The following AK5 variants were observed in gnomAD, a reference collection of about 807,000 sequenced individuals.
The protein encoded by AK5 is adenylate kinase 5, also known as adenylate kinase isoenzyme 5.
In AK5, 27 loss-of-function variants were observed where a neutral mutation model predicts 69.5. That is an observed-to-expected ratio of 0.39 (90% CI 0.29 to 0.54). AK5 has a LOEUF of 0.54. Among genes scored for constraint, AK5 ranks in the 20% least tolerant of loss-of-function variants. The pLI is 0.71. For missense variants in AK5, 531 were observed against 700.4 expected (o/e 0.76, Z 2.73); for synonymous variants, 260 against 244.4 (o/e 1.06, Z -0.60).
At chr1:77,412,102 T>C (rs1230597418) in intron 7 of AK5, among the ~76,000 whole-genome samples, 1 of 152,212 alleles carries the variant, frequency 6.6e-6, no homozygotes, top group Non-Finnish European at 1.5e-5. Flanking sequence ...TAACGACAAA[T>C]ATCTAACTGC....
At chr1:77,425,916 A>G (rs557439156) in intron 8 of AK5, among the ~76,000 whole-genome samples, 2 of 152,346 alleles carry the variant, frequency 1.3e-5, no homozygotes, top group East Asian at 1.9e-4. Context: ...TGGACTTGAA[A>G]TAGTTGCAAA....
At chr1:77,298,858 A>G (rs1659171782) in intron 5 of AK5, among the ~76,000 whole-genome samples, 1 of 152,182 alleles carries the variant, frequency 6.6e-6, no homozygotes, top group African/African-American at 2.4e-5. Context: ...TTTTAATTAC[A>G]GAAGTAATAT....
At chr1:77,362,331 T>C (rs932725810) in intron 6 of AK5, among the ~76,000 whole-genome samples, 1 of 152,182 alleles carries the variant, frequency 6.6e-6, no homozygotes, top group Non-Finnish European at 1.5e-5. Flanking sequence ...AAAAGTGGGC[T>C]TTATTATATA....
rs941468797 is a variant in AK5, at chr1:77,425,590, A to G, written c.1059+7875A>G. On this transcript the variant is annotated intron_variant, in intron 8 of 13. Coordinates refer to ENST00000354567, the MANE Select transcript of AK5 (RefSeq NM_174858.3). ...TGATAGAGCAAGACTCTGTCTCAAAAAAAAGAAAAGAAAAGAAAAATGATG... is the reference window on the plus strand; with the variant it reads ...TGATAGAGCAAGACTCTGTCTCAAAGAAAAGAAAAGAAAAGAAAAATGATG... Among the ~76,000 whole-genome samples, 14 of 152,366 alleles carry G rather than the reference A, an allele frequency of 9.2e-5. No homozygotes were observed. The South Asian group carries it at 1.9e-3, about 20-fold the overall frequency.
In AK5 at chr1:77,526,506, C is replaced by T. The variant is rs888448497; in HGVS notation, c.1428+4563C>T. Among the ~76,000 whole-genome samples the T allele has an allele frequency of 3.7e-4, 44 of 120,302 alleles. No homozygotes were observed. The East Asian group carries it at 7.9e-3, about 22-fold the overall frequency. The allele number at this position is 120,302 out of a possible 152,430, so 78.9% of individuals were successfully genotyped here. ...TTTTTTTTTTTTTGAGACGGAGTCT[C>T]GCTCTGTCGCCCAGGCTGGAGTGCC... On this transcript the variant is annotated intron_variant, in intron 12 of 13. Coordinates refer to ENST00000354567, the MANE Select transcript of AK5 (RefSeq NM_174858.3).
intron 12 of AK5, among the ~76,000 whole-genome samples, chr1:77,525,695 A>G (rs1658237737): frequency 6.6e-6 from 1 of 152,218 alleles, no homozygotes; most frequent in African/African-American, 2.4e-5. Flanking sequence ...TCACATTTCA[A>G]CATGGGATTT....
intron 6 of AK5, among the ~76,000 whole-genome samples, chr1:77,373,455 G>A (rs1339914433): frequency 6.6e-6 from 1 of 152,156 alleles, no homozygotes; most frequent in Admixed American, 6.5e-5. Flanking sequence ...GGCCAGCTGC[G>A]ATTGCTCATG....
chr1:77,405,918 CT>C, intron 6 of AK5, among the ~76,000 whole-genome samples: 1 of 150,388 alleles, frequency 6.6e-6, no homozygotes, highest in Non-Finnish European at 1.5e-5. Context: ...CCACTTCACG[CT>C]TAATGCCCAC....
intron 6 of AK5, among the ~76,000 whole-genome samples, chr1:77,359,239 G>A (rs1274022229): frequency 1.3e-5 from 2 of 150,216 alleles, no homozygotes; most frequent in African/African-American, 4.9e-5. Flanking sequence ...TGGCGACAGA[G>A]CGAGACTCTG....
At chr1:77,437,561 G>C (rs1337855749) in intron 8 of AK5, among the ~76,000 whole-genome samples, 1 of 152,120 alleles carries the variant, frequency 6.6e-6, no homozygotes, top group Non-Finnish European at 1.5e-5. Flanking sequence ...TTCCACAGCA[G>C]TTTGATTTTT....
chr1:77,324,737 G>T (rs1660708085), intron 5 of AK5, among the ~76,000 whole-genome samples: 1 of 151,878 alleles, frequency 6.6e-6, no homozygotes, highest in Non-Finnish European at 1.5e-5. Flanking sequence ...TGGAAGTAGG[G>T]TTGTAGTTAA....
intron 5 of AK5, among the ~76,000 whole-genome samples, chr1:77,336,431 A>G (rs1056951025): frequency 1.3e-5 from 2 of 152,314 alleles, no homozygotes; most frequent in South Asian, 2.1e-4. Context: ...ACAAGCAAGC[A>G]AAAAGACAAC....
intron 6 of AK5, among the ~76,000 whole-genome samples, chr1:77,372,772 CGTGTGT>C (rs34235538): frequency 6.7e-6 from 1 of 149,518 alleles, no homozygotes; most frequent in East Asian, 2.0e-4. Flanking sequence ...TGTGTGTGTG[CGTGTGT>C]GTGTGTGTGT....
chr1:77,419,706 G>A (rs969699239), intron 8 of AK5, among the ~76,000 whole-genome samples: 13 of 152,132 alleles, frequency 8.5e-5, no homozygotes, highest in African/African-American at 3.1e-4. Flanking sequence ...AGACATTGAG[G>A]ATAGAATGAT....
In AK5 at chr1:77,293,945, A is replaced by G; in HGVS notation, c.400A>G (p.Ile134Val). The change falls in exon 3 of 14, where the codon ATC becomes GTC. Residue 134 changes from isoleucine (I) to valine (V), a missense_variant. Ile to Val is a conservative substitution (Grantham distance 29, BLOSUM62 3). Transcript: ENST00000354567. ...VFDPTRPRPKIILVIGGPGSG... is the reference protein window; with the variant it reads ...VFDPTRPRPKVILVIGGPGSG... ...TGATCCTACCAGACCTCGACCAAAA[A>G]TCATTCTTGTTATAGGTATGAGGAC... 1 of 1,611,588 alleles carries G rather than the reference A, an allele frequency of 6.2e-7. No homozygotes were observed. The highest frequency in any genetic ancestry group is 8.5e-7 in the Non-Finnish European group (1 of 1,179,230).
intron 5 of AK5, among the ~76,000 whole-genome samples, chr1:77,309,428 A>C (rs1329599730): frequency 6.6e-6 from 1 of 152,068 alleles, no homozygotes; most frequent in Non-Finnish European, 1.5e-5. Context: ...TGTTTTTCAC[A>C]GTGATCTGCT....
At chr1:77,493,203 A>C (rs1323093498) in intron 10 of AK5, among the ~76,000 whole-genome samples, 1 of 152,142 alleles carries the variant, frequency 6.6e-6, no homozygotes, top group Non-Finnish European at 1.5e-5. Flanking sequence ...CACCCTCACC[A>C]GTGTGGGTGG....
In AK5 at chr1:77,367,589, T is replaced by TTATATATATGTTATATATGTTA. The variant is rs374382779; in HGVS notation, c.891+27028_891+27029insATGTTATATATGTTATATATAT. Reference sequence around the variant, plus strand: ...TATATATATATATATAATATATATGTTATATATGTAATATATATGTAATAT... The same window carrying TTATATATATGTTATATATGTTA: ...TATATATATATATATAATATATATGTTATATATATGTTATATATGTTATATATATGTAATATATATGTAATAT... On this transcript the variant is annotated intron_variant, in intron 6 of 13. Transcript: ENST00000354567. Among the ~76,000 whole-genome samples the TTATATATATGTTATATATGTTA allele has an allele frequency of 3.0e-4, 13 of 43,596 alleles. 1 individual carries two copies. The highest frequency in any genetic ancestry group is 1.9e-3 in the South Asian group (2 of 1,078). The allele number at this position is 43,596 out of a possible 152,430, so 28.6% of individuals were successfully genotyped here. A position where few individuals can be genotyped will look rare whatever the true frequency, so the allele number is the denominator to read the frequency against.
chr1:77,540,437 A>T (rs562423607), intron 13 of AK5: 19 of 152,336 alleles, frequency 1.2e-4, no homozygotes, highest in African/African-American at 4.6e-4. Context: ...GGCACTTCCT[A>T]CCAAGTCTGA....
Sources: gnomAD v4.1 joint callset for allele counts (sites outside exome capture counted in the v4.1 genomes callset) on GRCh38, gnomAD v4.1.1 for gene constraint, MANE v1.5 for transcripts, NCBI Gene and HGNC (gene_info 2026-07-23, HGNC 2026-07-21) for gene names.